RAB38: variants seen among roughly 807,000 people sequenced by gnomAD.
RAB38 encodes ras-related protein Rab-38.
RAB38 carries 15 observed loss-of-function variants against 18.4 expected under a neutral mutation model. The observed-to-expected ratio is 0.82, with a 90% confidence interval of 0.55 to 1.26. RAB38 has a LOEUF of 1.26. Among genes scored for constraint, RAB38 ranks in the 50% most tolerant of loss-of-function variants. The pLI, the probability that RAB38 is intolerant of heterozygous loss-of-function variation, is 0.00. For synonymous variants in RAB38, 101 were observed against 104.4 expected (o/e 0.97, Z 0.20); for missense variants, 294 against 267.4 (o/e 1.10, Z -0.69).
the RAB38 span, among the ~76,000 whole-genome samples, chr11:87,894,273 G>C: frequency 4.7e-4 from 71 of 151,770 alleles, no homozygotes; most frequent in African/African-American, 1.7e-3. Flanking sequence ...GAGAGGCAAG[G>C]TATGAGGGAG....
At chr11:87,925,013 T>A in the RAB38 span, among the ~76,000 whole-genome samples, 1 of 151,644 alleles carries the variant, frequency 6.6e-6, no homozygotes, top group African/African-American at 2.4e-5. Context: ...ACGAGGGAGG[T>A]TGGTGTGCTC....
the RAB38 span, among the ~76,000 whole-genome samples, chr11:87,849,131 C>T: frequency 0.016 from 2,368 of 152,090 alleles, 27 homozygotes; most frequent in East Asian, 0.063. Context: ...CACCATAGAG[C>T]GTTGTTTCTG....
the RAB38 span, among the ~76,000 whole-genome samples, chr11:88,045,175 T>C: frequency 0.02 from 3,119 of 152,248 alleles, 104 homozygotes; most frequent in African/African-American, 0.07. Flanking sequence ...GGCCGTCTTA[T>C]TCTCAACATG....
the RAB38 span, among the ~76,000 whole-genome samples, chr11:87,837,801 TC>T: frequency 6.6e-6 from 1 of 152,206 alleles, no homozygotes; most frequent in African/African-American, 2.4e-5. Flanking sequence ...GCATTTTCCA[TC>T]TTACCAGGAT....
the RAB38 span, among the ~76,000 whole-genome samples, chr11:87,940,790 G>A: frequency 2.6e-5 from 4 of 151,978 alleles, no homozygotes; most frequent in South Asian, 2.1e-4. Context: ...ACACCACTAC[G>A]TCTGGCTAAT....
the RAB38 span, among the ~76,000 whole-genome samples, chr11:88,069,230 A>C: frequency 4.3e-4 from 65 of 152,134 alleles, no homozygotes; most frequent in African/African-American, 1.5e-3. Context: ...GTCCCCCAGC[A>C]CTGCCAGCCC....
the RAB38 span, among the ~76,000 whole-genome samples, chr11:88,056,247 T>A: frequency 0.44 from 66,651 of 151,874 alleles, 15,861 homozygotes; most frequent in South Asian, 0.55. Flanking sequence ...GATACAAAGG[T>A]GACTAAGGGA....
chr11:87,875,890 A>T, the RAB38 span, among the ~76,000 whole-genome samples: 2 of 151,620 alleles, frequency 1.3e-5, no homozygotes, highest in African/African-American at 4.8e-5. Context: ...GATGTTCTAT[A>T]TCTACAATCC....
chr11:88,027,677 C>T, the RAB38 span, among the ~76,000 whole-genome samples: 2 of 131,524 alleles, frequency 1.5e-5, no homozygotes, highest in African/African-American at 6.5e-5. Context: ...GGGAGGGGCG[C>T]CCGCCATTGC....
chr11:88,155,709 G>C (rs1246721734), intron 1 of RAB38, among the ~76,000 whole-genome samples: 2 of 152,118 alleles, frequency 1.3e-5, no homozygotes, highest in African/African-American at 2.4e-5. Context: ...ACTCAGAAGT[G>C]ACAGATAAAG....
At chr11:87,805,836 G>A in the RAB38 span, among the ~76,000 whole-genome samples, 1 of 152,082 alleles carries the variant, frequency 6.6e-6, no homozygotes, top group African/African-American at 2.4e-5. Context: ...TGATGCTGCA[G>A]TTCAGGTCAA....
At chr11:88,174,091 G>T (rs904701511) in intron 1 of RAB38, 1 of 985,278 alleles carries the variant, frequency 1.0e-6, no homozygotes, top group Non-Finnish European at 1.2e-6. Flanking sequence ...TTCCCATGGA[G>T]AATCCCAGAG....
chr11:87,857,067 A>G, the RAB38 span, among the ~76,000 whole-genome samples: 3 of 151,720 alleles, frequency 2.0e-5, no homozygotes, highest in Admixed American at 6.6e-5. Flanking sequence ...CCCGTGTCCA[A>G]GTGTTCTCAT....
chr11:88,139,564 T>A (rs1942880141), intron 2 of RAB38, among the ~76,000 whole-genome samples: 1 of 152,240 alleles, frequency 6.6e-6, no homozygotes, highest in Non-Finnish European at 1.5e-5. Flanking sequence ...AAGTGCCTAC[T>A]TGAATATATA....
At chr11:87,958,086 C>T in the RAB38 span, among the ~76,000 whole-genome samples, 708 of 152,210 alleles carry the variant, frequency 4.7e-3, 4 homozygotes, top group Admixed American at 7.9e-3. Context: ...ATTTTGATCT[C>T]TTCCCAGGCT....
chr11:88,113,280 T>C lies in RAB38; in HGVS notation c.*708A>G, dbSNP rs2134764963. 6.6e-6 allele frequency: 1 copy of C among 152,556 alleles called. No homozygotes were observed. Among genetic ancestry groups the C allele is most frequent in the Non-Finnish European group, 1.5e-5 (1 of 68,004 alleles). 9.5% of individuals were successfully genotyped at this position (152,556 alleles called of 1,614,324 possible). ...GAAACAGCATCTTTTAATGTTTTAT[T>C]GTTCACTTGCAAAAATATATATAAT... On this transcript the variant is annotated 3_prime_UTR_variant, in exon 3 of 3. Coordinates refer to ENST00000243662, the MANE Select transcript of RAB38 (RefSeq NM_022337.3).
the RAB38 span, among the ~76,000 whole-genome samples, chr11:88,003,767 G>T: frequency 2.0e-4 from 1 of 4,978 alleles, no homozygotes; most frequent in Non-Finnish European, 3.8e-4. Context: ...ATAATATATT[G>T]TATATATTAT....
At chr11:88,005,117 AATC>A in the RAB38 span, among the ~76,000 whole-genome samples, 13 of 151,460 alleles carry the variant, frequency 8.6e-5, no homozygotes, top group Admixed American at 8.6e-4. Flanking sequence ...TTTTGGTAGA[AATC>A]AACAACTTAC....
the RAB38 span, among the ~76,000 whole-genome samples, chr11:87,959,209 T>G: frequency 7.9e-5 from 12 of 152,108 alleles, no homozygotes; most frequent in Non-Finnish European, 1.6e-4. Flanking sequence ...TTCCGACGCA[T>G]TTAGGATATC....
Sources: gnomAD v4.1 joint callset for allele counts (sites outside exome capture counted in the v4.1 genomes callset) on GRCh38, gnomAD v4.1.1 for gene constraint, MANE v1.5 for transcripts, NCBI Gene and HGNC (gene_info 2026-07-23, HGNC 2026-07-21) for gene names.